The following GTF2I variants were observed in gnomAD, a reference collection of about 807,000 sequenced individuals.
GTF2I encodes general transcription factor II-I.
In GTF2I, 12 loss-of-function variants were observed where a neutral mutation model predicts 67.6. That is an observed-to-expected ratio of 0.18 (90% CI 0.11 to 0.29). The LOEUF (loss-of-function observed/expected upper bound fraction) is 0.29. Among genes scored for constraint, GTF2I ranks in the 10% least tolerant of loss-of-function variants. The pLI is 1.00. For synonymous variants in GTF2I, 149 were observed against 197.0 expected (o/e 0.76, Z 2.04); for missense variants, 271 against 580.1 (o/e 0.47, Z 5.47).
intron 12 of GTF2I, among the ~76,000 whole-genome samples, chr7:74,722,048 A>T (rs587625948): frequency 8.5e-4 from 130 of 152,286 alleles, no homozygotes; most frequent in African/African-American, 3.0e-3. Flanking sequence ...TTCCCAAATC[A>T]TTGGTAGAAA....
rs1158949751 is a variant in GTF2I, at chr7:74,693,265, ATTTTTTTTTTTTTTT to A, written c.238+2168_238+2182del. Among the ~76,000 whole-genome samples the A allele has an allele frequency of 4.8e-5, 4 of 83,004 alleles. 1 individual carries two copies. The highest frequency in any genetic ancestry group is 2.5e-4 in the Admixed American group (2 of 8,014). The allele number at this position is 83,004 out of a possible 152,430, so 54.5% of individuals were successfully genotyped here. A position where few individuals can be genotyped will look rare whatever the true frequency, so the allele number is the denominator to read the frequency against. On this transcript the variant is annotated intron_variant, in intron 3 of 34. Transcript: ENST00000573035. ...TGATTATTGTATCCGCTGTAGTGGA[ATTTTTTTTTTTTTTT>A]TTTTTTTTTTTTTGAGATGGAGGTT...
chr7:74,691,203 TC>T, intron 3 of GTF2I, 92 bp downstream of exon 3: 1 of 997,838 alleles, frequency 1.0e-6, no homozygotes. Context: ...TTTCTTTCTT[TC>T]TTTCTTTTTT....
chr7:74,660,180 CTT>C (rs34002417), intron 1 of GTF2I, among the ~76,000 whole-genome samples: 55 of 135,646 alleles, frequency 4.1e-4, no homozygotes, highest in Admixed American at 4.5e-4. Context: ...AAGGTCTTCT[CTT>C]TTTTTTTTTT....
At chr7:74,672,126 TAAAGTC>T (rs1161311758) in intron 1 of GTF2I, among the ~76,000 whole-genome samples, 1 of 152,126 alleles carries the variant, frequency 6.6e-6, no homozygotes, top group Non-Finnish European at 1.5e-5. Flanking sequence ...AGTTAAAAAT[TAAAGTC>T]AAATGAACTA....
At chr7:74,660,180 C>CTT (rs34002417) in intron 1 of GTF2I, among the ~76,000 whole-genome samples, 18 of 135,810 alleles carry the variant, frequency 1.3e-4, no homozygotes, top group Middle Eastern at 3.9e-3. Flanking sequence ...AAGGTCTTCT[C>CTT]TTTTTTTTTT....
intron 14 of GTF2I, among the ~76,000 whole-genome samples, chr7:74,731,041 C>T: frequency 6.7e-6 from 1 of 149,596 alleles, no homozygotes; most frequent in Admixed American, 6.7e-5. Context: ...TGAGTTGATG[C>T]TAGATTTCAA....
intron 1 of GTF2I, among the ~76,000 whole-genome samples, chr7:74,665,172 C>A (rs1308899660): frequency 6.6e-6 from 1 of 151,614 alleles, no homozygotes; most frequent in African/African-American, 2.4e-5. Context: ...GAACTCCTGA[C>A]CTCAGGTGAT....
At chr7:74,750,676 C>T (rs1473781682) in intron 26 of GTF2I, among the ~76,000 whole-genome samples, 4 of 73,140 alleles carry the variant, frequency 5.5e-5, no homozygotes, top group African/African-American at 1.1e-4. Context: ...TGTGTGATAT[C>T]GGCTTACTGC....
chr7:74,714,666 T>A (rs1554403222), intron 9 of GTF2I, among the ~76,000 whole-genome samples, 191 bp from the exon 10 acceptor site: 1 of 152,070 alleles, frequency 6.6e-6, no homozygotes, highest in African/African-American at 2.4e-5. Context: ...ATTCACCTGA[T>A]TACATTTTTC....
At chr7:74,680,099 A>AAAAATAAATATATATATATAT in intron 1 of GTF2I, among the ~76,000 whole-genome samples, 1 of 95,002 alleles carries the variant, frequency 1.1e-5, no homozygotes, top group African/African-American at 4.0e-5. Context: ...AAAAAAAAAA[A>AAAAATAAATATATATATATAT]ATATATATAT....
chr7:74,705,355 G>A, intron 7 of GTF2I, 137 bp downstream of exon 7: 2 of 645,312 alleles, frequency 3.1e-6, no homozygotes, highest in Non-Finnish European at 5.5e-6. Flanking sequence ...ATATCATTTG[G>A]GGATCTTGTG....
At chr7:74,688,996 G>A (rs1584138237) in intron 1 of GTF2I, 128 bp from the exon 2 acceptor site, 6 of 653,734 alleles carry the variant, frequency 9.2e-6, no homozygotes, top group South Asian at 7.4e-5. Flanking sequence ...TAGTTTCTGA[G>A]CCTTATTTTG....
chr7:74,692,144 G>T lies in GTF2I; in HGVS notation c.238+1033G>T, dbSNP rs192713270. Among the ~76,000 whole-genome samples, 201 of 148,950 alleles carry T rather than the reference G, an allele frequency of 1.3e-3. 2 individuals carry two copies. Among genetic ancestry groups the T allele is most frequent in the African/African-American group, 4.6e-3 (184 of 40,142 alleles). On this transcript the variant is annotated intron_variant, in intron 3 of 34. Transcript: ENST00000573035. The stretch of plus-strand genomic sequence containing the variant: ...GCTGGAGTGCAGTGGCGCGATCTCC[G>T]CTCACTGCAACTTCCACCTCCTGTA...
At chr7:74,701,549 C>T (rs1347199077) in intron 6 of GTF2I, among the ~76,000 whole-genome samples, 2 of 152,054 alleles carry the variant, frequency 1.3e-5, no homozygotes, top group Non-Finnish European at 2.9e-5. Flanking sequence ...TGGCTCACTG[C>T]AGCCTCTGCT....
intron 1 of GTF2I, among the ~76,000 whole-genome samples, chr7:74,659,176 G>GC (rs1304454085): frequency 2.0e-5 from 3 of 152,116 alleles, no homozygotes; most frequent in East Asian, 3.9e-4. Flanking sequence ...TCCCACCTTG[G>GC]CCCCCCATAG....
intron 15 of GTF2I, among the ~76,000 whole-genome samples, chr7:74,732,973 ATT>A (rs1166582666): frequency 6.7e-6 from 1 of 149,374 alleles, no homozygotes. Context: ...ATATATATAT[ATT>A]TTTTTTTTCG....
chr7:74,705,158 A>C lies in GTF2I; in HGVS notation c.587-6A>C. On this transcript the variant is annotated splice_region_variant and splice_polypyrimidine_tract_variant and intron_variant, in intron 6 of 34. Transcript: ENST00000573035. ...ACTAACTCCAATTTTTTTTTTTTGT[A>C]TGTAGGTGGTCGTGTGATGGTAACA... The C allele has an allele frequency of 6.4e-7, 1 of 1,567,224 alleles. No individual in the cohort carries two copies.
intron 8 of GTF2I, among the ~76,000 whole-genome samples, chr7:74,708,864 T>C (rs915612150): frequency 1.3e-5 from 2 of 152,228 alleles, no homozygotes; most frequent in Admixed American, 6.5e-5. Context: ...ACGAGACAAC[T>C]GTTCCATCTA....
intron 14 of GTF2I, among the ~76,000 whole-genome samples, chr7:74,732,104 CATATACATATATATGTATATATACAT>C (rs1794536092): frequency 6.8e-6 from 1 of 147,818 alleles, no homozygotes; most frequent in Non-Finnish European, 1.5e-5. Context: ...TATATACACA[CATATACATATATATGTATATATACAT>C]ATACACATAT....
Sources: allele counts gnomAD v4.1 joint callset (sites outside exome capture counted in the v4.1 genomes callset), GRCh38; gene constraint gnomAD v4.1.1; transcripts MANE v1.5; gene names NCBI Gene and HGNC (gene_info 2026-07-23, HGNC 2026-07-21).